The following ZNF704 variants were observed in gnomAD, a reference collection of about 807,000 sequenced individuals.
ZNF704 encodes zinc finger protein 704.
A neutral mutation model predicts 44.7 loss-of-function variants in ZNF704; 10 were observed. That is an observed-to-expected ratio of 0.22 (90% CI 0.14 to 0.38). The LOEUF (loss-of-function observed/expected upper bound fraction) is 0.38. Ranked by LOEUF, ZNF704 falls within the 10% of genes least tolerant of loss-of-function variation. ZNF704 has a pLI of 1.00. For synonymous variants in ZNF704, 211 were observed against 207.6 expected (o/e 1.02, Z -0.14); for missense variants, 390 against 545.5 (o/e 0.71, Z 2.84).
At chr8:80,786,167 G>C (rs1055204808) in intron 2 of ZNF704, among the ~76,000 whole-genome samples, 1 of 152,184 alleles carries the variant, frequency 6.6e-6, no homozygotes, top group Non-Finnish European at 1.5e-5. Context: ...GGAGGCTGAA[G>C]TGGGAGGATC....
chr8:80,701,919 T>C (rs941703388), intron 2 of ZNF704, among the ~76,000 whole-genome samples: 1 of 152,110 alleles, frequency 6.6e-6, no homozygotes, highest in Non-Finnish European at 1.5e-5. Context: ...CTTAAAGAGC[T>C]TGGCCATGAA....
At chr8:80,858,526 G>A (rs1809001792) in intron 1 of ZNF704, among the ~76,000 whole-genome samples, 1 of 152,144 alleles carries the variant, frequency 6.6e-6, no homozygotes, top group Non-Finnish European at 1.5e-5. Flanking sequence ...GAGGTCAGGA[G>A]TTCAAGACCA....
intron 2 of ZNF704, among the ~76,000 whole-genome samples, chr8:80,721,630 C>T (rs1157684814): frequency 6.6e-6 from 1 of 151,984 alleles, no homozygotes; most frequent in African/African-American, 2.4e-5. Context: ...TTTTAATATC[C>T]ACTTCCACCA....
Position 80,821,414 on chromosome 8 carries a change from T to C in ZNF704, c.181A>G (p.Arg61Gly). The change falls in exon 2 of 9, where the codon AGA (arginine) becomes GGA (glycine). Residue 61 changes from arginine (R) to glycine (G), a missense_variant. Arg to Gly is a moderately radical substitution (Grantham distance 125, BLOSUM62 -2). Transcript: ENST00000327835. ...TCAATGTTGGAGGAAACAACTTTTC[T>C]TTTTTGCTCAAGGAGACAGATGGAG... The part of the protein sequence containing the change: ...TRSICLLEQK[R>G]KVVSSNIDVP... 1 of 1,613,786 alleles carries C rather than the reference T, an allele frequency of 6.2e-7. No homozygotes were observed. The highest frequency in any genetic ancestry group is 8.5e-7 in the Non-Finnish European group (1 of 1,179,964).
chr8:80,793,934 C>T (rs1807755641), intron 2 of ZNF704, among the ~76,000 whole-genome samples: 1 of 152,122 alleles, frequency 6.6e-6, no homozygotes, highest in South Asian at 2.1e-4. Context: ...TTCCTACTTG[C>T]TAAATGTATT....
intron 2 of ZNF704, among the ~76,000 whole-genome samples, chr8:80,707,668 C>G (rs1269912275): frequency 6.6e-6 from 1 of 152,276 alleles, no homozygotes; most frequent in Non-Finnish European, 1.5e-5. Context: ...TACTATTTAT[C>G]TTTTGTTTCA....
intron 4 of ZNF704, among the ~76,000 whole-genome samples, chr8:80,670,822 G>C (rs1490704789): frequency 6.6e-6 from 1 of 152,100 alleles, no homozygotes; most frequent in East Asian, 1.9e-4. Context: ...GGCTCTGCTG[G>C]AATATTTCAG....
chr8:80,694,578 CA>C (rs1242906729), intron 2 of ZNF704, among the ~76,000 whole-genome samples: 1 of 152,078 alleles, frequency 6.6e-6, no homozygotes, highest in African/African-American at 2.4e-5. Context: ...TTTGTAAAAG[CA>C]ATGAACTCTT....
intron 1 of ZNF704, chr8:80,873,425 G>T: frequency 6.6e-6 from 1 of 152,390 alleles, no homozygotes; most frequent in Non-Finnish European, 1.5e-5. Context: ...ACCCCTCCTG[G>T]CCGGGTCTCT....
At chr8:80,830,646 G>C (rs530997656) in intron 1 of ZNF704, among the ~76,000 whole-genome samples, 53 of 149,850 alleles carry the variant, frequency 3.5e-4, no homozygotes, top group Non-Finnish European at 5.1e-4. Flanking sequence ...ATAGAGCTGA[G>C]GAAGGAAGGA....
At chr8:80,758,092 G>C (rs1336170907) in intron 2 of ZNF704, among the ~76,000 whole-genome samples, 1 of 152,130 alleles carries the variant, frequency 6.6e-6, no homozygotes, top group African/African-American at 2.4e-5. Flanking sequence ...TGTGCCTTTG[G>C]AGCAATTTGT....
At chr8:80,684,906 G>A (rs1818510092) in intron 4 of ZNF704, among the ~76,000 whole-genome samples, 1 of 152,116 alleles carries the variant, frequency 6.6e-6, no homozygotes, top group African/African-American at 2.4e-5. Flanking sequence ...ACTGTTCAAA[G>A]TAACTTTAAA....
intron 2 of ZNF704, among the ~76,000 whole-genome samples, chr8:80,713,995 T>C (rs751137508): frequency 2.6e-5 from 4 of 152,218 alleles, no homozygotes; most frequent in Non-Finnish European, 4.4e-5. Context: ...ACACTGCTGC[T>C]ACTTTTTCCT....
rs1230230502 is a variant in ZNF704 at position 80,642,968 on chromosome 8, T to C, written c.1127+67A>G. 4.8e-6 allele frequency: 5 copies of C among 1,051,224 alleles called. No individual in the cohort carries two copies. In the African/African-American group the frequency reaches 8.2e-5, roughly 17 times the overall value. The allele number at this position is 1,051,224 out of a possible 1,614,324, so 65.1% of individuals were successfully genotyped here. ...TAGAAGATCATTTCTCAGGGTTCTC[T>C]CTGCTGTTCTGTTTTACAGTTAATT... On this transcript the variant is annotated intron_variant, in intron 8 of 8. Transcript: ENST00000327835.
chr8:80,705,218 G>C lies in ZNF704; in HGVS notation c.222-12111C>G, dbSNP rs531915874. Among the ~76,000 whole-genome samples the C allele has an allele frequency of 2.0e-5, 3 of 152,192 alleles. No homozygotes were observed. In the East Asian group the frequency reaches 5.8e-4, roughly 29 times the overall value. On this transcript the variant is annotated intron_variant, in intron 2 of 8. Coordinates refer to ENST00000327835, the MANE Select transcript of ZNF704 (RefSeq NM_001033723.3). ...GACTGCCACTGAGGCTGCATATGAT[G>C]AAAAAAGACCAGAGGGAACACAGCA... is the stretch of plus-strand genomic sequence containing the variant.
chr8:80,641,932 G>A (rs1221095778), intron 8 of ZNF704, among the ~76,000 whole-genome samples: 1 of 152,108 alleles, frequency 6.6e-6, no homozygotes, highest in East Asian at 1.9e-4. Flanking sequence ...ATATCCCTTA[G>A]GCTTCTATTT....
At chr8:80,697,336 T>G (rs1249933146) in intron 2 of ZNF704, among the ~76,000 whole-genome samples, 3 of 152,030 alleles carry the variant, frequency 2.0e-5, no homozygotes, top group African/African-American at 7.2e-5. Context: ...AATGGAAAAT[T>G]TAAGGAAAGG....
In ZNF704 at chr8:80,630,264, A is replaced by G. The variant is rs1817562062; in HGVS notation, c.*11102T>C. The G allele has an allele frequency of 6.6e-6, 1 of 152,266 alleles. No homozygotes were observed. The highest frequency in any genetic ancestry group is 2.4e-5 in the African/African-American group (1 of 41,472). The allele number at this position is 152,266 out of a possible 1,614,324, so 9.4% of individuals were successfully genotyped here. ...CTTACCTCTGAATGGTGGTAAAATT[A>G]TATTTCAAAAGATCTCTAAACATTG... On this transcript the variant is annotated 3_prime_UTR_variant, in exon 9 of 9. Transcript: ENST00000327835.
intron 2 of ZNF704, among the ~76,000 whole-genome samples, chr8:80,811,001 T>C (rs1256991072): frequency 6.6e-6 from 1 of 151,964 alleles, no homozygotes; most frequent in Non-Finnish European, 1.5e-5. Flanking sequence ...TGTGTTAGAG[T>C]AGGAAAAGAG....
Sources: gnomAD v4.1 joint callset for allele counts (sites outside exome capture counted in the v4.1 genomes callset) on GRCh38, gnomAD v4.1.1 for gene constraint, MANE v1.5 for transcripts, NCBI Gene and HGNC (gene_info 2026-07-23, HGNC 2026-07-21) for gene names.